TBC1D5: variants seen among roughly 807,000 people sequenced by gnomAD.
TBC1D5 encodes TBC1 domain family, member 5.
In TBC1D5, 75 loss-of-function variants were observed where a neutral mutation model predicts 100.3. The observed-to-expected ratio is 0.75, with a 90% CI of 0.62 to 0.91. TBC1D5 has a LOEUF of 0.91. TBC1D5 is among the 40% of genes least tolerant of loss of function. The pLI is 0.00. For missense variants in TBC1D5, 910 were observed against 942.4 expected (o/e 0.97, Z 0.45); for synonymous variants, 323 against 325.6 (o/e 0.99, Z 0.09).
intron 14 of TBC1D5, among the ~76,000 whole-genome samples, chr3:17,293,076 A>T (rs1281385625): frequency 1.3e-5 from 2 of 152,196 alleles, no homozygotes; most frequent in Non-Finnish European, 2.9e-5. Flanking sequence ...ATTATAATCT[A>T]TGTAAGGAAT....
chr3:17,284,271 C>T (rs1156738471), intron 15 of TBC1D5, among the ~76,000 whole-genome samples: 1 of 152,116 alleles, frequency 6.6e-6, no homozygotes, highest in African/African-American at 2.4e-5. Flanking sequence ...GCCCCTGCCA[C>T]CATGTCTGGC....
chr3:17,648,357 C>T (rs1055599909), intron 1 of TBC1D5, among the ~76,000 whole-genome samples: 1 of 152,080 alleles, frequency 6.6e-6, no homozygotes, highest in East Asian at 1.9e-4. Flanking sequence ...AAATGTAAAA[C>T]CCCAAACTAT....
intron 2 of TBC1D5, among the ~76,000 whole-genome samples, chr3:17,552,777 G>C (rs955706168): frequency 1.3e-5 from 2 of 152,192 alleles, no homozygotes; most frequent in Non-Finnish European, 2.9e-5. Flanking sequence ...ACAGAGTTGA[G>C]TGACAAAAAA....
intron 1 of TBC1D5, chr3:17,702,068 TAC>T (rs1438164882): frequency 3.9e-5 from 6 of 152,228 alleles, no homozygotes; most frequent in Admixed American, 1.3e-4. Context: ...ATAAAAAAAT[TAC>T]AGTCTTATAT....
At chr3:17,323,161 T>G (rs2085648035) in intron 13 of TBC1D5, among the ~76,000 whole-genome samples, 1 of 152,090 alleles carries the variant, frequency 6.6e-6, no homozygotes, top group African/African-American at 2.4e-5. Flanking sequence ...ACAAATTATG[T>G]GAAGAAACGG....
intron 15 of TBC1D5, among the ~76,000 whole-genome samples, chr3:17,265,592 T>C (rs1383906332): frequency 2.0e-5 from 3 of 152,278 alleles, no homozygotes; most frequent in East Asian, 1.9e-4. Context: ...CAAAAAGCTC[T>C]GGGGGAATTT....
At chr3:17,428,605 A>T in intron 3 of TBC1D5, 86 bp from the exon 4 acceptor site, 1 of 574,580 alleles carries the variant, frequency 1.7e-6, no homozygotes, top group Non-Finnish European at 2.7e-6. Flanking sequence ...TACGCAATAT[A>T]TTAGCCAAAA....
chr3:17,219,536 A>G (rs2074046623), intron 17 of TBC1D5, among the ~76,000 whole-genome samples: 1 of 151,298 alleles, frequency 6.6e-6, no homozygotes, highest in Admixed American at 6.6e-5. Context: ...TTTTAATAAT[A>G]TGTGGCAATT....
intron 18 of TBC1D5, among the ~76,000 whole-genome samples, chr3:17,199,578 C>T (rs1485311057): frequency 6.6e-6 from 1 of 152,194 alleles, no homozygotes. Context: ...AGCAATTTGG[C>T]AGCACTTCTC....
chr3:17,490,335 T>C (rs1237137179), intron 3 of TBC1D5, among the ~76,000 whole-genome samples: 5 of 152,200 alleles, frequency 3.3e-5, no homozygotes, highest in Non-Finnish European at 7.3e-5. Context: ...AGCTCTTTAT[T>C]TTAATTAGAT....
At position 17,161,031 on chromosome 3, in the gene TBC1D5, T is replaced by TG; in HGVS notation, c.2319dup (p.Ser774GlnfsTer5). The TG allele has an allele frequency of 6.2e-7, 1 of 1,614,210 alleles. No individual in the cohort carries two copies. Among genetic ancestry groups the TG allele is most frequent in the Non-Finnish European group, 8.5e-7 (1 of 1,180,032 alleles). On this transcript the variant is annotated frameshift_variant, in exon 22 of 22. Coordinates refer to ENST00000253692, the Ensembl canonical transcript of TBC1D5. LOFTEE classifies it high-confidence loss of function. Reference sequence around the variant, plus strand: ...CTGCTGTCGTCATCAGGACTGGAGCTGGGGTTGCTGGAGGAAGCTGAGGCT... The same window carrying TG: ...CTGCTGTCGTCATCAGGACTGGAGCTGGGGGTTGCTGGAGGAAGCTGAGGCT...
chr3:17,242,266 C>T (rs142212669), intron 16 of TBC1D5, among the ~76,000 whole-genome samples: 4 of 152,272 alleles, frequency 2.6e-5, no homozygotes, highest in Admixed American at 2.0e-4. Flanking sequence ...AAATTCTCCA[C>T]AACCTTTTCT....
intron 1 of TBC1D5, among the ~76,000 whole-genome samples, chr3:17,658,255 C>A (rs928036150): frequency 6.6e-6 from 1 of 152,180 alleles, no homozygotes; most frequent in Non-Finnish European, 1.5e-5. Flanking sequence ...TCCATTAACT[C>A]CATTCATTCA....
intron 18 of TBC1D5, among the ~76,000 whole-genome samples, chr3:17,204,697 G>C (rs754331914): frequency 6.6e-6 from 1 of 152,082 alleles, no homozygotes; most frequent in Non-Finnish European, 1.5e-5. Flanking sequence ...TCTATTTCCT[G>C]TGATTCTGCT....
chr3:17,537,190 G>C (rs2096290608), intron 2 of TBC1D5, among the ~76,000 whole-genome samples: 1 of 152,104 alleles, frequency 6.6e-6, no homozygotes, highest in Admixed American at 6.6e-5. Context: ...TCTGTCATTT[G>C]ATGCTATACC....
chr3:17,514,808 T>C (rs1355798913), intron 2 of TBC1D5, among the ~76,000 whole-genome samples: 1 of 152,142 alleles, frequency 6.6e-6, no homozygotes, highest in Non-Finnish European at 1.5e-5. Context: ...TCATACAGTT[T>C]CAGAGGTCTC....
At chr3:17,523,876 A>C (rs2096093688) in intron 2 of TBC1D5, among the ~76,000 whole-genome samples, 1 of 152,206 alleles carries the variant, frequency 6.6e-6, no homozygotes, top group African/African-American at 2.4e-5. Context: ...TAGTACATAA[A>C]GAGAAACATA....
chr3:17,677,444 A>G (rs974805721), intron 1 of TBC1D5, among the ~76,000 whole-genome samples: 3 of 152,226 alleles, frequency 2.0e-5, no homozygotes, highest in Non-Finnish European at 2.9e-5. Context: ...CAAAACCACA[A>G]TGAGATACCA....
chr3:17,511,248 G>T (rs1474558214), intron 2 of TBC1D5, among the ~76,000 whole-genome samples: 1 of 151,972 alleles, frequency 6.6e-6, no homozygotes, highest in East Asian at 1.9e-4. Flanking sequence ...CTATCTTAAT[G>T]TAAGATTTAT....
Sources: gnomAD v4.1 joint callset for allele counts (sites outside exome capture counted in the v4.1 genomes callset) on GRCh38, gnomAD v4.1.1 for gene constraint, MANE v1.5 for transcripts, NCBI Gene and HGNC (gene_info 2026-07-23, HGNC 2026-07-21) for gene names.